DIP2A: variants seen among roughly 807,000 people sequenced by gnomAD.
DIP2A encodes the protein disco-interacting protein 2 homolog A.
DIP2A carries 85 observed loss-of-function variants against 177.4 expected under a neutral mutation model. That is an observed-to-expected ratio of 0.48 (90% CI 0.40 to 0.57). DIP2A has a LOEUF of 0.57. Among genes scored for constraint, DIP2A ranks in the 20% least tolerant of loss-of-function variants. The pLI, the probability that DIP2A is intolerant of heterozygous loss-of-function variation, is 0.00. For synonymous variants in DIP2A, 886 were observed against 881.8 expected (o/e 1.00, Z -0.08); for missense variants, 1,791 against 2,100.2 (o/e 0.85, Z 2.88).
chr21:46,464,389 G>T (rs781147715), intron 1 of DIP2A, among the ~76,000 whole-genome samples: 40 of 152,078 alleles, frequency 2.6e-4, no homozygotes, highest in Non-Finnish European at 1.3e-4. Flanking sequence ...GCGAAACTTC[G>T]TCTCAAAAAA....
intron 5 of DIP2A, among the ~76,000 whole-genome samples, chr21:46,500,398 G>A (rs2057584807): frequency 6.6e-6 from 1 of 152,188 alleles, no homozygotes; most frequent in Admixed American, 6.5e-5. Context: ...TTTCCTCAAG[G>A]TGGTGTACAG....
intron 20 of DIP2A, among the ~76,000 whole-genome samples, chr21:46,546,470 A>T (rs2060044393): frequency 6.6e-6 from 1 of 152,116 alleles, no homozygotes; most frequent in African/African-American, 2.4e-5. Context: ...TCAGTGTCCA[A>T]CCTAAGCACA....
chr21:46,518,730 G>T (rs543168478), intron 8 of DIP2A, among the ~76,000 whole-genome samples: 6 of 152,152 alleles, frequency 3.9e-5, no homozygotes, highest in African/African-American at 1.4e-4. Flanking sequence ...GGTGGCATGC[G>T]CCTATAGTCC....
chr21:46,477,531 A>T (rs570663976), intron 1 of DIP2A, among the ~76,000 whole-genome samples: 15 of 59,526 alleles, frequency 2.5e-4, no homozygotes, highest in Non-Finnish European at 3.6e-4. Flanking sequence ...CGCCTAAAAT[A>T]AAAAAAAAGA....
chr21:46,471,734 A>G (rs1280115981), intron 1 of DIP2A, among the ~76,000 whole-genome samples: 2 of 152,226 alleles, frequency 1.3e-5, no homozygotes, highest in African/African-American at 4.8e-5. Flanking sequence ...CACACAGGAA[A>G]TGCATGGCCT....
In DIP2A at chr21:46,537,221, C is replaced by G. The variant is rs775913339; in HGVS notation, c.1643-3C>G. On this transcript the variant is annotated splice_polypyrimidine_tract_variant and splice_region_variant and intron_variant, in intron 13 of 37. Coordinates refer to ENST00000417564, the MANE Select transcript of DIP2A (RefSeq NM_015151.4). This position sits in a 1 kb window ranked among gnomAD's most constrained non-coding sequence, Gnocchi z 4.1. ...TGGTGTCACCTTCTTTGTCCACTTGCAGCTGAAACATTAACAAACGTGCTG... is the reference window on the plus strand; with the variant it reads ...TGGTGTCACCTTCTTTGTCCACTTGGAGCTGAAACATTAACAAACGTGCTG... 7 of 1,613,976 alleles carry G rather than the reference C, an allele frequency of 4.3e-6. No homozygotes were observed.
In DIP2A at chr21:46,511,504, G is replaced by C; in HGVS notation, c.992G>C (p.Arg331Pro). Reference sequence around the variant, plus strand: ...GAGCCTCTCACTGCAGGTGTCCCCCGACCGCCGTCGCTGTTGGCCACCTTG... The same window carrying C: ...GAGCCTCTCACTGCAGGTGTCCCCCCACCGCCGTCGCTGTTGGCCACCTTG... ...RGEPLTAGVP[R>P]PPSLLATLQR... The change falls in exon 8 of 38, where the codon CGA (arginine) becomes CCA (proline). Residue 331 changes from arginine to proline, a missense_variant. Transcript: ENST00000417564. 1.2e-6 allele frequency: 2 copies of C among 1,612,658 alleles called. No individual in the cohort carries two copies. The highest frequency in any genetic ancestry group is 1.7e-6 in the Non-Finnish European group (2 of 1,179,394).
intron 3 of DIP2A, among the ~76,000 whole-genome samples, chr21:46,494,207 A>G (rs769571782): frequency 1.3e-5 from 2 of 152,232 alleles, no homozygotes; most frequent in Non-Finnish European, 2.9e-5. Context: ...CAGGATTCAA[A>G]TAAGAGCTAC....
At chr21:46,554,433 G>A in intron 26 of DIP2A, 141 bp downstream of exon 26, 1 of 1,542,252 alleles carries the variant, frequency 6.5e-7, no homozygotes, top group South Asian at 1.2e-5. Context: ...TGCCTCCTCA[G>A]CTCAGCTACC....
chr21:46,511,387 C>T (rs1398153329), intron 7 of DIP2A, 30 bp from the exon 8 acceptor site: 11 of 1,574,644 alleles, frequency 7.0e-6, no homozygotes, highest in Non-Finnish European at 9.5e-6. Context: ...CTCTGAATTG[C>T]TGATTTTAAA....
intron 13 of DIP2A, among the ~76,000 whole-genome samples, chr21:46,536,143 T>C (rs1387082030): frequency 6.6e-6 from 1 of 152,262 alleles, no homozygotes; most frequent in Non-Finnish European, 1.5e-5. Context: ...AAAGGGTGTT[T>C]ATAGTACTGT....
At chr21:46,502,088 A>G (rs1331341179) in intron 5 of DIP2A, among the ~76,000 whole-genome samples, 2 of 152,182 alleles carry the variant, frequency 1.3e-5, no homozygotes, top group Non-Finnish European at 2.9e-5. Flanking sequence ...TACCTTCATT[A>G]AAATATTAAA....
rs1403258800 is a variant in DIP2A, at chr21:46,563,121, G to C, written c.4090-737G>C. Among the ~76,000 whole-genome samples the C allele has an allele frequency of 1.3e-5, 2 of 152,170 alleles. No homozygotes were observed. Among genetic ancestry groups the C allele is most frequent in the South Asian group, 2.1e-4 (1 of 4,828 alleles). Reference sequence around the variant, plus strand: ...TGGGACATGCAGGGAGAAGATGGAGGCTCCAACAGCATCTGGGGAAACAGA... The same window carrying C: ...TGGGACATGCAGGGAGAAGATGGAGCCTCCAACAGCATCTGGGGAAACAGA... On this transcript the variant is annotated intron_variant, in intron 34 of 37. Coordinates refer to ENST00000417564, the MANE Select transcript of DIP2A (RefSeq NM_015151.4). The surrounding 1 kb of genome is among the most constrained non-coding windows in gnomAD (Gnocchi z 4.3).
At chr21:46,564,917 A>AC (rs1306188804) in intron 35 of DIP2A, among the ~76,000 whole-genome samples, 1 of 152,146 alleles carries the variant, frequency 6.6e-6, no homozygotes, top group Non-Finnish European at 1.5e-5. Context: ...TCAAGGGTGT[A>AC]CCCCCAAGAA....
intron 25 of DIP2A, among the ~76,000 whole-genome samples, chr21:46,552,571 G>A (rs1226486149): frequency 6.6e-6 from 1 of 152,210 alleles, no homozygotes; most frequent in Admixed American, 6.5e-5. Flanking sequence ...TTAAGCTTTG[G>A]TGTCGTAAAG....
At position 46,528,527 on chromosome 21, in the gene DIP2A, CTTTTTTTTTTTTTTTTTTTTTTTTTT is replaced by C. The variant is rs1162872343; in HGVS notation, c.1103-549_1103-524del. On this transcript the variant is annotated intron_variant, in intron 8 of 37. Coordinates refer to ENST00000417564, the MANE Select transcript of DIP2A (RefSeq NM_015151.4). ...ACCAAATACTGACTTTTTCTGCTTG[CTTTTTTTTTTTTTTTTTTTTTTTTTT>C]TTTTTTTTTTTTTTTAGATAATGTC... is the stretch of plus-strand genomic sequence containing the variant. Among the ~76,000 whole-genome samples the C allele has an allele frequency of 3.1e-4, 9 of 29,408 alleles. No homozygotes were observed. In the East Asian group the frequency reaches 9.4e-3, roughly 31 times the overall value. 19.3% of individuals were successfully genotyped at this position (29,408 alleles called of 152,430 possible). A position where few individuals can be genotyped will look rare whatever the true frequency, so the allele number is the denominator to read the frequency against.
intron 9 of DIP2A, among the ~76,000 whole-genome samples, chr21:46,531,276 G>A (rs567103221): frequency 6.6e-6 from 1 of 152,276 alleles, no homozygotes; most frequent in Admixed American, 6.5e-5. Context: ...GCTCTCCTGA[G>A]TGGGTGGTTA....
chr21:46,549,975 G>T, intron 22 of DIP2A, 90 bp downstream of exon 22: 3 of 1,575,986 alleles, frequency 1.9e-6, no homozygotes, highest in Middle Eastern at 1.7e-4. Flanking sequence ...GGCTTGTCCC[G>T]CCCGGTCCTC....
At chr21:46,518,084 T>A (rs1354370698) in intron 8 of DIP2A, among the ~76,000 whole-genome samples, 1 of 152,234 alleles carries the variant, frequency 6.6e-6, no homozygotes, top group Admixed American at 6.5e-5. Context: ...ATCCATGTTA[T>A]TGCGGGTAGT....
Sources: gnomAD v4.1 joint callset for allele counts (sites outside exome capture counted in the v4.1 genomes callset) on GRCh38, gnomAD v4.1.1 for gene constraint, Gnocchi (gnomAD v3.1) non-coding constraint, MANE v1.5 for transcripts, NCBI Gene and HGNC (gene_info 2026-07-23, HGNC 2026-07-21) for gene names.